Variants in RAB31 observed in about 807,000 individuals in gnomAD.
RAB31 encodes the protein ras-related protein Rab-31.
A neutral mutation model predicts 25.6 loss-of-function variants in RAB31; 21 were observed. The ratio of observed to expected loss-of-function variants is 0.82; its 90% CI spans 0.58 to 1.18. The LOEUF (loss-of-function observed/expected upper bound fraction) is 1.18, where lower values mean the gene tolerates loss of function less well. RAB31 is among the 50% of genes most tolerant of loss of function. The pLI is 0.00. For synonymous variants in RAB31, 87 were observed against 84.0 expected, an observed-to-expected ratio of 1.04 and a Z score of -0.20; for missense variants, 196 against 250.1, an observed-to-expected ratio of 0.78 and a Z score of 1.46.
chr18:9,844,043 C>T (rs1331550871), intron 5 of RAB31, among the ~76,000 whole-genome samples: 2 of 152,212 alleles, frequency 1.3e-5, no homozygotes, highest in African/African-American at 2.4e-5. Flanking sequence ...TTGTGTCTTC[C>T]TTCTCTTTTC....
chr18:9,766,818 A>G lies in RAB31; in HGVS notation c.40-8460A>G, dbSNP rs1409698700. Among the ~76,000 whole-genome samples, 1 of 152,126 alleles carries G rather than the reference A, an allele frequency of 6.6e-6. No homozygotes were observed. Among genetic ancestry groups the G allele is most frequent in the East Asian group, 1.9e-4 (1 of 5,182 alleles). On this transcript the variant is annotated intron_variant, in intron 1 of 6. Transcript: ENST00000578921. The surrounding 1 kb of genome is among the most constrained non-coding windows in gnomAD (Gnocchi z 4.3). Reference sequence around the variant, plus strand: ...AATAAAAATAAAAAATTAGCCTAGCATGGTGGTGTGCACCTGTAGTCTTAG... The same window carrying G: ...AATAAAAATAAAAAATTAGCCTAGCGTGGTGGTGTGCACCTGTAGTCTTAG...
chr18:9,745,343 C>G (rs994597992), intron 1 of RAB31, among the ~76,000 whole-genome samples: 2 of 152,162 alleles, frequency 1.3e-5, no homozygotes, highest in South Asian at 2.1e-4. Context: ...CCAGATCGCT[C>G]TACTGGTAAA....
intron 1 of RAB31, chr18:9,723,727 C>T (rs144761843): frequency 8.5e-5 from 13 of 152,122 alleles, no homozygotes; most frequent in Admixed American, 3.3e-4. Flanking sequence ...AGAGAGGATA[C>T]AAGAGAGCAA....
At chr18:9,773,497 A>G (rs1249551157) in intron 1 of RAB31, among the ~76,000 whole-genome samples, 1 of 152,110 alleles carries the variant, frequency 6.6e-6, no homozygotes, top group Non-Finnish European at 1.5e-5. Flanking sequence ...GGTGTTGATA[A>G]AGCCTTGGGT....
intron 5 of RAB31, among the ~76,000 whole-genome samples, chr18:9,837,768 G>A (rs962647542): frequency 2.0e-5 from 3 of 152,120 alleles, no homozygotes; most frequent in African/African-American, 7.2e-5. Flanking sequence ...ATTGAGAAAG[G>A]ACTTCAAAGT....
intron 1 of RAB31, among the ~76,000 whole-genome samples, chr18:9,772,631 A>G (rs2068351130): frequency 6.6e-6 from 1 of 152,184 alleles, no homozygotes; most frequent in African/African-American, 2.4e-5. Context: ...TAGCCCTGAG[A>G]AGGAGAATTC....
chr18:9,821,451 G>C (rs2068624160), intron 5 of RAB31, among the ~76,000 whole-genome samples: 1 of 151,878 alleles, frequency 6.6e-6, no homozygotes, highest in East Asian at 1.9e-4. Flanking sequence ...TTCTTTTTAT[G>C]ATAGTTGACA....
intron 1 of RAB31, among the ~76,000 whole-genome samples, chr18:9,750,089 G>C (rs2145477928): frequency 6.6e-6 from 1 of 152,302 alleles, no homozygotes; most frequent in South Asian, 2.1e-4. Context: ...AAAGGTACAG[G>C]GTGAGTCTAT....
In RAB31 at chr18:9,853,666, T is replaced by A. The variant is rs2068800292; in HGVS notation, c.491-5562T>A. On this transcript the variant is annotated intron_variant, in intron 6 of 6. Transcript: ENST00000578921. ...ACAGTGCCAAAACGGAACCCTCCTG[T>A]GAACTATAGACTGACTATCCTTAAT... Among the ~76,000 whole-genome samples the A allele has an allele frequency of 2.6e-5, 4 of 152,350 alleles. No homozygotes were observed. In the South Asian group the frequency reaches 8.3e-4, roughly 32 times the overall value.
At chr18:9,759,710 C>A (rs183476619) in intron 1 of RAB31, among the ~76,000 whole-genome samples, 1 of 152,098 alleles carries the variant, frequency 6.6e-6, no homozygotes, top group Non-Finnish European at 1.5e-5. Context: ...GTGAAAAGGG[C>A]AAGGCTATCC....
At chr18:9,721,299 T>A (rs1345393252) in intron 1 of RAB31, among the ~76,000 whole-genome samples, 1 of 152,248 alleles carries the variant, frequency 6.6e-6, no homozygotes, top group East Asian at 1.9e-4. Context: ...AAATAACCGA[T>A]GTAGAGTTAG....
intron 4 of RAB31, among the ~76,000 whole-genome samples, chr18:9,814,315 A>C (rs1366083126): frequency 6.6e-6 from 1 of 152,250 alleles, no homozygotes; most frequent in East Asian, 1.9e-4. Flanking sequence ...CATGCCTGCT[A>C]GTACTATTCT....
chr18:9,782,255 C>T (rs941350816), intron 2 of RAB31, among the ~76,000 whole-genome samples: 1 of 152,230 alleles, frequency 6.6e-6, no homozygotes, highest in Non-Finnish European at 1.5e-5. Context: ...TGGCGGTAAC[C>T]CTGCTGGCCA....
intron 6 of RAB31, 82 bp from the exon 7 acceptor site, chr18:9,859,146 G>A: frequency 8.3e-7 from 1 of 1,208,396 alleles, no homozygotes; most frequent in African/African-American, 1.5e-5. Flanking sequence ...CAAAGCAGGA[G>A]TGTTGAAGCA....
chr18:9,840,704 T>C (rs2068729050), intron 5 of RAB31, among the ~76,000 whole-genome samples: 1 of 152,050 alleles, frequency 6.6e-6, no homozygotes, highest in African/African-American at 2.4e-5. Context: ...AAGTTAAGAG[T>C]GCAATACTGC....
chr18:9,770,236 T>C (rs914954705), intron 1 of RAB31, among the ~76,000 whole-genome samples: 43 of 152,168 alleles, frequency 2.8e-4, no homozygotes, highest in Non-Finnish European at 2.2e-4. Context: ...CTCTTTTCTA[T>C]TGTTTGGAAT....
chr18:9,760,533 T>A (rs1353859960), intron 1 of RAB31, among the ~76,000 whole-genome samples: 1 of 152,188 alleles, frequency 6.6e-6, no homozygotes, highest in Non-Finnish European at 1.5e-5. Context: ...TTTTTTCATT[T>A]AGTCTTCCCT....
At chr18:9,739,330 G>C (rs1250715594) in intron 1 of RAB31, among the ~76,000 whole-genome samples, 1 of 152,052 alleles carries the variant, frequency 6.6e-6, no homozygotes, top group Admixed American at 6.6e-5. Context: ...AAATTAGCTG[G>C]GTGTGGTGGC....
intron 6 of RAB31, among the ~76,000 whole-genome samples, chr18:9,847,708 G>A (rs1452195788): frequency 6.6e-6 from 1 of 152,078 alleles, no homozygotes; most frequent in African/African-American, 2.4e-5. Flanking sequence ...GGGTAGCTGG[G>A]ACTATAGGTG....
Sources: gnomAD v4.1 joint callset for allele counts (sites outside exome capture counted in the v4.1 genomes callset) on GRCh38, gnomAD v4.1.1 for gene constraint, Gnocchi (gnomAD v3.1) non-coding constraint, MANE v1.5 for transcripts, NCBI Gene and HGNC (gene_info 2026-07-23, HGNC 2026-07-21) for gene names.